The following SYT1 variants were observed in gnomAD, a reference collection of about 807,000 sequenced individuals.
SYT1 encodes synaptotagmin 1.
In SYT1, 8 loss-of-function variants were observed where a neutral mutation model predicts 44.8. That is an observed-to-expected ratio of 0.18 (90% CI 0.10 to 0.32). SYT1 has a LOEUF of 0.32. Ranked by LOEUF, SYT1 falls within the 10% of genes least tolerant of loss-of-function variation. The probability of loss-of-function intolerance (pLI) is 1.00; values close to 1 mark genes in which losing one functional copy is unlikely to be tolerated. For missense variants in SYT1, 286 were observed against 509.3 expected (o/e 0.56, Z 4.22); for synonymous variants, 154 against 188.8 (o/e 0.82, Z 1.51).
chr12:79,224,468 A>G (rs1875367707), intron 4 of SYT1, among the ~76,000 whole-genome samples: 1 of 152,106 alleles, frequency 6.6e-6, no homozygotes, highest in Non-Finnish European at 1.5e-5. Flanking sequence ...AAGGAAGTGG[A>G]GGAGAAGCTA....
rs150404272 is a variant in SYT1, at chr12:78,934,061, C to A, written c.-216-43738C>A. On this transcript the variant is annotated intron_variant, in intron 1 of 10. Coordinates refer to ENST00000261205, the MANE Select transcript of SYT1 (RefSeq NM_005639.3). ...AGACCCCCAATGGATGCCTGAACCA[C>A]AGATAGTAGTAAACCCTATATACAC... 2.0e-5 allele frequency among the ~76,000 whole-genome samples: 3 copies of A among 152,060 alleles called. No individual in the cohort carries two copies. In the East Asian group the frequency reaches 5.8e-4, roughly 30 times the overall value.
chr12:79,291,653 C>G (rs1274315634), intron 5 of SYT1: 2 of 389,088 alleles, frequency 5.1e-6, no homozygotes, highest in Non-Finnish European at 1.0e-5. Flanking sequence ...GAATGTGAAA[C>G]TTGGCCTGGT....
chr12:78,894,203 C>A (rs1875213699), intron 1 of SYT1, among the ~76,000 whole-genome samples: 3 of 151,338 alleles, frequency 2.0e-5, no homozygotes, highest in South Asian at 4.2e-4. Context: ...TCCTTCCTAG[C>A]AGTCAAGGAC....
intron 1 of SYT1, among the ~76,000 whole-genome samples, chr12:78,971,814 A>C (rs1169255927): frequency 6.6e-6 from 1 of 152,132 alleles, no homozygotes; most frequent in Non-Finnish European, 1.5e-5. Flanking sequence ...GATATGAATG[A>C]TACTTCAACT....
chr12:79,275,134 A>C (rs1315471666), intron 4 of SYT1, among the ~76,000 whole-genome samples: 1 of 152,072 alleles, frequency 6.6e-6, no homozygotes, highest in Non-Finnish European at 1.5e-5. Context: ...CACAGGACAA[A>C]AGAAACCAGA....
At chr12:79,377,121 T>TTTGTTTTGTTTC (rs1884028162) in intron 9 of SYT1, among the ~76,000 whole-genome samples, 6 of 152,342 alleles carry the variant, frequency 3.9e-5, no homozygotes, top group African/African-American at 1.4e-4. Flanking sequence ...TGTTTTGTTT[T>TTTGTTTTGTTTC]GTTTTTTTGA....
intron 1 of SYT1, among the ~76,000 whole-genome samples, chr12:78,914,808 A>G (rs914206483): frequency 6.6e-6 from 1 of 152,024 alleles, no homozygotes; most frequent in Non-Finnish European, 1.5e-5. Flanking sequence ...TTTATGTATT[A>G]ATTCATGTAA....
intron 1 of SYT1, among the ~76,000 whole-genome samples, chr12:78,909,583 T>C (rs10745991): frequency 0.77 from 116,332 of 151,766 alleles, 45,147 homozygotes; most frequent in African/African-American, 0.87. Context: ...ATTTTTCTTA[T>C]GGTTAAATTT....
At chr12:79,272,537 C>T (rs577143973) in intron 4 of SYT1, among the ~76,000 whole-genome samples, 8 of 152,152 alleles carry the variant, frequency 5.3e-5, no homozygotes, top group South Asian at 2.1e-4. Flanking sequence ...ACAGAAGCAC[C>T]GACAGAGCCA....
chr12:79,044,936 G>A (rs541779994), intron 2 of SYT1, among the ~76,000 whole-genome samples: 17 of 152,330 alleles, frequency 1.1e-4, no homozygotes, highest in South Asian at 6.2e-4. Flanking sequence ...CAGTTAGGCC[G>A]CTCGGGGGTC....
intron 9 of SYT1, among the ~76,000 whole-genome samples, chr12:79,391,439 T>C (rs1470298644): frequency 6.6e-6 from 1 of 152,170 alleles, no homozygotes; most frequent in Non-Finnish European, 1.5e-5. Context: ...AATGTATACA[T>C]TGGGGGATGC....
Position 79,353,702 on chromosome 12 carries a change from C to T in SYT1, c.928+83C>T, listed in dbSNP as rs1883000946. ...TGCATGGCGCACATGCTGCGACTCC[C>T]CACTTCTTAATTGATCACAGTTCTC... On this transcript the variant is annotated intron_variant, in intron 9 of 10. Coordinates refer to ENST00000261205, the MANE Select transcript of SYT1 (RefSeq NM_005639.3). 3 of 1,012,988 alleles carry T rather than the reference C, an allele frequency of 3.0e-6. No individual in the cohort carries two copies. The East Asian group carries it at 7.1e-5, about 24-fold the overall frequency. 62.7% of individuals were successfully genotyped at this position (1,012,988 alleles called of 1,614,324 possible). A position where few individuals can be genotyped will look rare whatever the true frequency, so the allele number is the denominator to read the frequency against.
chr12:79,038,609 C>CT (rs1873302503), intron 2 of SYT1, among the ~76,000 whole-genome samples: 1 of 151,862 alleles, frequency 6.6e-6, no homozygotes, highest in South Asian at 2.1e-4. Context: ...GCACATCAAC[C>CT]TTGTAACTAT....
chr12:79,237,598 C>G (rs975887562), intron 4 of SYT1, among the ~76,000 whole-genome samples: 1 of 152,092 alleles, frequency 6.6e-6, no homozygotes, highest in East Asian at 1.9e-4. Flanking sequence ...TTGGAAGAAA[C>G]AAACAATAGG....
At chr12:79,300,563 C>A (rs887345928) in intron 8 of SYT1, among the ~76,000 whole-genome samples, 2 of 151,808 alleles carry the variant, frequency 1.3e-5, no homozygotes, top group African/African-American at 4.8e-5. Context: ...GAACTTTATA[C>A]CCCCTATATG....
chr12:79,012,253 C>A (rs773198844), intron 2 of SYT1, among the ~76,000 whole-genome samples: 1 of 151,916 alleles, frequency 6.6e-6, no homozygotes, highest in Non-Finnish European at 1.5e-5. Flanking sequence ...TTTTGGGAAT[C>A]AGCACAGTCA....
intron 4 of SYT1, among the ~76,000 whole-genome samples, chr12:79,282,733 C>A (rs889779607): frequency 6.6e-6 from 1 of 152,092 alleles, no homozygotes; most frequent in African/African-American, 2.4e-5. Context: ...TTTAACCTAA[C>A]GACCTAAAGA....
chr12:78,899,411 A>C (rs1229394307), intron 1 of SYT1, among the ~76,000 whole-genome samples: 1 of 152,008 alleles, frequency 6.6e-6, no homozygotes, highest in East Asian at 1.9e-4. Flanking sequence ...TTCATTTCAA[A>C]AATATACATA....
chr12:79,217,493 C>T lies in SYT1; in HGVS notation c.-17-10C>T, dbSNP rs1402989842. 1.1e-5 allele frequency: 17 copies of T among 1,554,556 alleles called. No individual in the cohort carries two copies. The highest frequency in any genetic ancestry group is 1.5e-5 in the Non-Finnish European group (17 of 1,155,220). ...TGAATTGTTCTGTCTTTGCTTCCCT[C>T]CCCTCACAGCTTCACCTGAACCTAA... On this transcript the variant is annotated splice_polypyrimidine_tract_variant and intron_variant, in intron 3 of 10. Transcript: ENST00000261205.
Sources: gnomAD v4.1 joint callset for allele counts (sites outside exome capture counted in the v4.1 genomes callset) on GRCh38, gnomAD v4.1.1 for gene constraint, MANE v1.5 for transcripts, NCBI Gene and HGNC (gene_info 2026-07-23, HGNC 2026-07-21) for gene names.